Variants in UBE3D observed in about 807,000 individuals in gnomAD.
The protein encoded by UBE3D is E3 ubiquitin-protein ligase E3D.
Under a neutral mutation model 49.6 loss-of-function variants are expected in UBE3D, and 48 were observed. The ratio of observed to expected loss-of-function variants is 0.97; its 90% CI spans 0.77 to 1.23. The LOEUF (loss-of-function observed/expected upper bound fraction) is 1.23. UBE3D is among the 50% of genes most tolerant of loss of function. The pLI, the probability that UBE3D is intolerant of heterozygous loss-of-function variation, is 0.00. For missense variants in UBE3D, 452 were observed against 468.4 expected (o/e 0.96, Z 0.32); for synonymous variants, 189 against 174.2 (o/e 1.08, Z -0.67).
intron 9 of UBE3D, among the ~76,000 whole-genome samples, chr6:82,955,246 T>G (rs1159462556): frequency 6.6e-6 from 1 of 152,184 alleles, no homozygotes; most frequent in African/African-American, 2.4e-5. Context: ...CCATATTTGG[T>G]TTAGATTACT....
At chr6:82,914,787 T>C (rs756040476) in intron 9 of UBE3D, among the ~76,000 whole-genome samples, 5 of 152,214 alleles carry the variant, frequency 3.3e-5, no homozygotes, top group Non-Finnish European at 7.3e-5. Flanking sequence ...ATCAAGACGA[T>C]ACCTTTTGCT....
At chr6:83,035,963 T>C (rs1425972490) in intron 5 of UBE3D, 3 of 151,976 alleles carry the variant, frequency 2.0e-5, no homozygotes, top group East Asian at 1.9e-4. Flanking sequence ...ATAGACAAGA[T>C]AGACAATGTC....
At chr6:83,039,824 AG>A (rs1782529057) in intron 4 of UBE3D, among the ~76,000 whole-genome samples, 1 of 151,930 alleles carries the variant, frequency 6.6e-6, no homozygotes, top group African/African-American at 2.4e-5. Flanking sequence ...TTGTAGTTAT[AG>A]TAGAGATGGT....
chr6:83,014,621 G>T (rs1292497561), intron 8 of UBE3D, among the ~76,000 whole-genome samples: 1 of 152,184 alleles, frequency 6.6e-6, no homozygotes, highest in Non-Finnish European at 1.5e-5. Context: ...ATCAGCGTCA[G>T]CTCAGAGCCA....
At chr6:82,957,779 A>G (rs1776269086) in intron 8 of UBE3D, among the ~76,000 whole-genome samples, 1 of 152,180 alleles carries the variant, frequency 6.6e-6, no homozygotes, top group Non-Finnish European at 1.5e-5. Context: ...CCTACATTCT[A>G]TGCCCTGTTC....
At chr6:82,899,781 G>A (rs1771594658) in intron 9 of UBE3D, among the ~76,000 whole-genome samples, 1 of 152,152 alleles carries the variant, frequency 6.6e-6, no homozygotes, top group African/African-American at 2.4e-5. Context: ...GGCATTGGAT[G>A]GTGCTATTGT....
chr6:82,887,052 T>G, the UBE3D span, among the ~76,000 whole-genome samples: 1 of 151,954 alleles, frequency 6.6e-6, no homozygotes, highest in African/African-American at 2.4e-5. Context: ...TGCCTGTATC[T>G]CAGCACTTTG....
chr6:83,022,032 CT>C lies in UBE3D; in HGVS notation c.846+420del, dbSNP rs552566357. Among the ~76,000 whole-genome samples, 99 of 146,600 alleles carry C rather than the reference CT, an allele frequency of 6.8e-4. 1 individual carries two copies. The highest frequency in any genetic ancestry group is 1.3e-3 in the South Asian group (6 of 4,634). ...GATTTATGAATTAAACTGATATTAACTTTTTTTTTTTTAAGATGGAGTCTTG... is the reference window on the plus strand; with the variant it reads ...GATTTATGAATTAAACTGATATTAACTTTTTTTTTTTAAGATGGAGTCTTG... On this transcript the variant is annotated intron_variant, in intron 7 of 9. Coordinates refer to ENST00000369747, the MANE Select transcript of UBE3D (RefSeq NM_198920.3).
At chr6:82,936,875 T>G (rs1164574961) in intron 9 of UBE3D, among the ~76,000 whole-genome samples, 1 of 152,176 alleles carries the variant, frequency 6.6e-6, no homozygotes. Context: ...CTGTGAAACT[T>G]TCAACTACTA....
intron 9 of UBE3D, among the ~76,000 whole-genome samples, chr6:82,923,071 G>T (rs1479061356): frequency 6.6e-6 from 1 of 152,222 alleles, no homozygotes; most frequent in Non-Finnish European, 1.5e-5. Context: ...AAATGCTGGA[G>T]AGGTTGTGGA....
intron 9 of UBE3D, among the ~76,000 whole-genome samples, chr6:82,947,294 T>C (rs1775476451): frequency 6.6e-6 from 1 of 151,902 alleles, no homozygotes; most frequent in South Asian, 2.1e-4. Flanking sequence ...AGCACCCAGA[T>C]ATGTAAAGAA....
chr6:82,932,146 CTG>C (rs1237752414), intron 9 of UBE3D, among the ~76,000 whole-genome samples: 1 of 152,176 alleles, frequency 6.6e-6, no homozygotes, highest in Non-Finnish European at 1.5e-5. Flanking sequence ...TCATGCTGAA[CTG>C]TGAGTCAATT....
At chr6:82,999,378 C>T (rs1313463495) in intron 8 of UBE3D, among the ~76,000 whole-genome samples, 1 of 152,040 alleles carries the variant, frequency 6.6e-6, no homozygotes, top group Non-Finnish European at 1.5e-5. Context: ...CTCAACAGGA[C>T]CTTCCCTGTT....
chr6:82,913,070 G>GA (rs1772643661), intron 9 of UBE3D, among the ~76,000 whole-genome samples: 1 of 152,156 alleles, frequency 6.6e-6, no homozygotes, highest in Non-Finnish European at 1.5e-5. Flanking sequence ...ATCCAGTGGG[G>GA]AAAAAGAGGC....
chr6:83,026,944 C>A (rs1203435133), intron 5 of UBE3D, among the ~76,000 whole-genome samples: 1 of 151,914 alleles, frequency 6.6e-6, no homozygotes, highest in Non-Finnish European at 1.5e-5. Context: ...CAGAAGTGAC[C>A]CTTTTTATTT....
At chr6:83,003,756 A>G (rs1216389488) in intron 8 of UBE3D, among the ~76,000 whole-genome samples, 1 of 152,220 alleles carries the variant, frequency 6.6e-6, no homozygotes, top group African/African-American at 2.4e-5. Context: ...AAGATAGAGT[A>G]TTATAATTTT....
At chr6:82,954,009 G>A (rs293520) in intron 9 of UBE3D, among the ~76,000 whole-genome samples, 100,189 of 151,992 alleles carry the variant, frequency 0.66, 33,772 homozygotes, top group East Asian at 0.79. Flanking sequence ...GAACCAGCTC[G>A]TGATAAGGAC....
intron 9 of UBE3D, among the ~76,000 whole-genome samples, chr6:82,950,544 G>A (rs571238188): frequency 1.3e-5 from 2 of 152,264 alleles, no homozygotes; most frequent in South Asian, 4.1e-4. Context: ...GAGACAGGTG[G>A]ATCACTTGAG....
chr6:82,902,872 T>C (rs1771838330), intron 9 of UBE3D, among the ~76,000 whole-genome samples: 2 of 152,186 alleles, frequency 1.3e-5, no homozygotes, highest in Non-Finnish European at 2.9e-5. Context: ...ACTAAATCCT[T>C]AAAAAATCCA....
Sources: gnomAD v4.1 joint callset for allele counts (sites outside exome capture counted in the v4.1 genomes callset) on GRCh38, gnomAD v4.1.1 for gene constraint, MANE v1.5 for transcripts, NCBI Gene and HGNC (gene_info 2026-07-23, HGNC 2026-07-21) for gene names.